Variants in PLEKHG4B observed in about 807,000 individuals in gnomAD.
PLEKHG4B encodes the protein pleckstrin homology domain-containing family G member 4B.
A neutral mutation model predicts 121.3 loss-of-function variants in PLEKHG4B; 111 were observed. The ratio of observed to expected loss-of-function variants is 0.92; its 90% CI spans 0.78 to 1.07. The LOEUF is 1.07. Ranked by LOEUF, PLEKHG4B falls within the 50% of genes least tolerant of loss-of-function variation. The probability of loss-of-function intolerance (pLI) is 0.00; values close to 1 mark genes in which losing one functional copy is unlikely to be tolerated. For missense variants in PLEKHG4B, 1,831 were observed against 1,757.8 expected, an observed-to-expected ratio of 1.04 and a Z score of -0.74; for synonymous variants, 738 against 725.0, an observed-to-expected ratio of 1.02 and a Z score of -0.29.
At chr5:172,442 G>A (rs1341800907) in intron 16 of PLEKHG4B, among the ~76,000 whole-genome samples, 2 of 152,352 alleles carry the variant, frequency 1.3e-5, no homozygotes, top group South Asian at 2.1e-4. Context: ...ATTCCCAGGG[G>A]CTATTTAGTG....
chr5:182,377 A>G lies in PLEKHG4B; in HGVS notation c.*54A>G, dbSNP rs2126469804. ...GTGGCTAGAACAATACAGAGGGAGC[A>G]GCACGCCAGGCCTGATGACTCTGGG... On this transcript the variant is annotated 3_prime_UTR_variant, in exon 20 of 20. Coordinates refer to ENST00000637938, the MANE Select transcript of PLEKHG4B (RefSeq NM_052909.5). 1.3e-6 allele frequency: 2 copies of G among 1,507,738 alleles called. No individual in the cohort carries two copies. The highest frequency in any genetic ancestry group is 1.2e-5 in the South Asian group (1 of 81,386). 93.4% of individuals were successfully genotyped at this position (1,507,738 alleles called of 1,614,324 possible). A position where few individuals can be genotyped will look rare whatever the true frequency, so the allele number is the denominator to read the frequency against.
intron 1 of PLEKHG4B, among the ~76,000 whole-genome samples, chr5:111,168 C>T (rs964219288): frequency 2.0e-5 from 3 of 152,274 alleles, no homozygotes; most frequent in African/African-American, 4.8e-5. Context: ...GCACACACTC[C>T]GCCCTCAAAG....
At chr5:93,465 C>T (rs7734346) in intron 1 of PLEKHG4B, among the ~76,000 whole-genome samples, 24,372 of 151,456 alleles carry the variant, frequency 0.16, 2,455 homozygotes, top group African/African-American at 0.28. Flanking sequence ...CACTGGGAAG[C>T]AGTGTTTGGT....
intron 1 of PLEKHG4B, among the ~76,000 whole-genome samples, chr5:96,853 C>T (rs563090178): frequency 2.6e-5 from 4 of 152,048 alleles, no homozygotes; most frequent in Admixed American, 6.5e-5. Context: ...GCAACAGTTC[C>T]AACAAATGAG....
chr5:119,828 A>G (rs1445271993), intron 2 of PLEKHG4B, among the ~76,000 whole-genome samples: 3 of 152,178 alleles, frequency 2.0e-5, no homozygotes, highest in Non-Finnish European at 2.9e-5. Flanking sequence ...GACAGATTAG[A>G]ATCTGAAGGA....
Position 181,605 on chromosome 5 carries a change from G to A in PLEKHG4B, c.4494G>A (p.Val1498=), listed in dbSNP as rs747647436. The part of the protein sequence containing the change: ...KPRDRTPDCA[V]ISDRAPKCAV... ...GAGACCGGACCCCTGACTGTGCAGT[G>A]ATAAGCGACCGGGCTCCCAAATGTG... is the stretch of plus-strand genomic sequence containing the variant. Residue 1498 remains valine, a synonymous_variant, in exon 19 of 20, where the codon GTG becomes GTA. Transcript: ENST00000637938. 2 of 1,612,610 alleles carry A rather than the reference G, an allele frequency of 1.2e-6. No homozygotes were observed. The highest frequency in any genetic ancestry group is 1.1e-5 in the South Asian group (1 of 91,040).
At chr5:132,648 G>A (rs1171012079) in intron 2 of PLEKHG4B, among the ~76,000 whole-genome samples, 5 of 152,136 alleles carry the variant, frequency 3.3e-5, no homozygotes, top group African/African-American at 1.2e-4. Context: ...GTTGAATAGG[G>A]TGTCCTTTCC....
intron 2 of PLEKHG4B, among the ~76,000 whole-genome samples, chr5:128,658 G>C (rs1038804117): frequency 1.3e-5 from 2 of 152,192 alleles, no homozygotes; most frequent in Non-Finnish European, 2.9e-5. Context: ...CATGCTTTTG[G>C]TAGACTCCAG....
chr5:104,817 C>T (rs1008766072), intron 1 of PLEKHG4B, among the ~76,000 whole-genome samples: 4 of 152,342 alleles, frequency 2.6e-5, no homozygotes, highest in South Asian at 2.1e-4. Flanking sequence ...AACAATCATG[C>T]GTAATTTAAA....
chr5:148,769 C>A (rs1180291383), intron 6 of PLEKHG4B, among the ~76,000 whole-genome samples: 2 of 152,098 alleles, frequency 1.3e-5, no homozygotes, highest in African/African-American at 4.8e-5. Context: ...ATAGCCAAAA[C>A]AATTGTAAAA....
chr5:108,236 G>A (rs762824554), intron 1 of PLEKHG4B, among the ~76,000 whole-genome samples: 4 of 152,220 alleles, frequency 2.6e-5, no homozygotes, highest in Non-Finnish European at 5.9e-5. Flanking sequence ...CAGGGATGAT[G>A]TGGCTTTTGG....
At chr5:168,852 C>G (rs1736439029) in intron 13 of PLEKHG4B, among the ~76,000 whole-genome samples, 1 of 146,014 alleles carries the variant, frequency 6.8e-6, no homozygotes. Flanking sequence ...GTGCAGTAGA[C>G]TGGAAGATTA....
At chr5:176,393 G>T (rs1239558981) in intron 18 of PLEKHG4B, among the ~76,000 whole-genome samples, 2 of 152,246 alleles carry the variant, frequency 1.3e-5, no homozygotes, top group African/African-American at 4.8e-5. Context: ...CAGGAAGTAG[G>T]CCCTGCCAGC....
At chr5:98,323 A>G (rs969812750) in intron 1 of PLEKHG4B, among the ~76,000 whole-genome samples, 3 of 138,406 alleles carry the variant, frequency 2.2e-5, no homozygotes, top group African/African-American at 8.3e-5. Flanking sequence ...TTTTTTCCCC[A>G]TTTTCAGCCA....
intron 13 of PLEKHG4B, 143 bp downstream of exon 13, chr5:163,691 A>G: frequency 1.3e-6 from 1 of 756,724 alleles, no homozygotes; most frequent in African/African-American, 1.8e-5. Context: ...CGGTCTAAGA[A>G]GAAACACAAT....
chr5:98,203 G>T (rs1733683818), intron 1 of PLEKHG4B, among the ~76,000 whole-genome samples: 1 of 152,014 alleles, frequency 6.6e-6, no homozygotes, highest in African/African-American at 2.4e-5. Context: ...TGTTTAGGTT[G>T]CTGATCCATT....
chr5:142,550 TACC>T (rs1200772759), intron 3 of PLEKHG4B, among the ~76,000 whole-genome samples: 2 of 139,096 alleles, frequency 1.4e-5, no homozygotes, highest in Non-Finnish European at 3.0e-5. Context: ...GAGTTCCAAA[TACC>T]ACACACACAG....
At chr5:165,003 A>G (rs183398675) in intron 13 of PLEKHG4B, among the ~76,000 whole-genome samples, 1,078 of 22,020 alleles carry the variant, frequency 0.049, 202 homozygotes, top group Non-Finnish European at 0.075. Context: ...CTGACGGGGC[A>G]GGGCTCACAG....
chr5:181,627 T>C lies in PLEKHG4B; in HGVS notation c.4516T>C (p.Cys1506Arg), dbSNP rs1382340179. ...CAVISDRAPK[C>R]AVMSDRVPDS... Reference sequence around the variant, plus strand: ...AGTGATAAGCGACCGGGCTCCCAAATGTGCAGTGATGAGCGACCGAGTCCC... The same window carrying C: ...AGTGATAAGCGACCGGGCTCCCAAACGTGCAGTGATGAGCGACCGAGTCCC... Residue 1506 changes from cysteine (C) to arginine (R), a missense_variant, in exon 19 of 20, where the codon TGT becomes CGT. Physicochemically the swap from Cys to Arg is radical, Grantham distance 180. Transcript: ENST00000637938. 13 of 1,613,674 alleles carry C rather than the reference T, an allele frequency of 8.1e-6. No homozygotes were observed. Among genetic ancestry groups the C allele is most frequent in the Non-Finnish European group, 1.0e-5 (12 of 1,179,830 alleles).
Sources: allele counts gnomAD v4.1 joint callset (sites outside exome capture counted in the v4.1 genomes callset), GRCh38; gene constraint gnomAD v4.1.1; transcripts MANE v1.5; gene names NCBI Gene and HGNC (gene_info 2026-07-23, HGNC 2026-07-21).